The following GALNT14 variants were observed in gnomAD, a reference collection of about 807,000 sequenced individuals.
The protein encoded by GALNT14 is UDP-GalNAc:polypeptide N-acetylgalactosaminyltransferase 14.
GALNT14 carries 60 observed loss-of-function variants against 77.5 expected under a neutral mutation model. That is an observed-to-expected ratio of 0.77 (90% CI 0.63 to 0.96). GALNT14 has a LOEUF of 0.96. Among genes scored for constraint, GALNT14 ranks in the 40% least tolerant of loss-of-function variants. GALNT14 has a pLI of 0.00. For missense variants in GALNT14, 710 were observed against 731.0 expected (o/e 0.97, Z 0.33); for synonymous variants, 280 against 281.7 (o/e 0.99, Z 0.06).
chr2:31,134,544 G>A (rs1374835877), intron 1 of GALNT14, among the ~76,000 whole-genome samples: 1 of 152,198 alleles, frequency 6.6e-6, no homozygotes, highest in Non-Finnish European at 1.5e-5. Flanking sequence ...CTAAACCAAC[G>A]CCTCTGCAAC....
chr2:31,115,911 C>T (rs1181498664), intron 1 of GALNT14, among the ~76,000 whole-genome samples: 2 of 152,144 alleles, frequency 1.3e-5, no homozygotes, highest in Non-Finnish European at 2.9e-5. Context: ...GTCCTAGCTA[C>T]TTGAGAAACT....
chr2:30,933,668 G>C (rs1665882559), intron 9 of GALNT14, among the ~76,000 whole-genome samples: 3 of 152,236 alleles, frequency 2.0e-5, no homozygotes, highest in South Asian at 4.1e-4. Flanking sequence ...GAGGAAGAGA[G>C]CACTTCTCAT....
chr2:30,919,387 C>T (rs1224691701), intron 13 of GALNT14, among the ~76,000 whole-genome samples: 1 of 152,150 alleles, frequency 6.6e-6, no homozygotes, highest in African/African-American at 2.4e-5. Flanking sequence ...GGTGGAGCAG[C>T]ATCGGGAGCC....
intron 9 of GALNT14, among the ~76,000 whole-genome samples, chr2:30,940,836 G>A (rs1478667693): frequency 6.6e-6 from 1 of 152,178 alleles, no homozygotes; most frequent in African/African-American, 2.4e-5. Context: ...GGGTCCCAGG[G>A]AAGGGATTCG....
At chr2:31,125,210 G>A (rs41280621) in intron 1 of GALNT14, 18,005 of 1,550,326 alleles carry the variant, frequency 0.012, 134 homozygotes, top group Non-Finnish European at 0.014. Context: ...CACCTGAGGC[G>A]CCCAAGGGCT....
chr2:31,106,023 C>T (rs998485291), intron 1 of GALNT14, among the ~76,000 whole-genome samples: 6 of 152,106 alleles, frequency 3.9e-5, no homozygotes, highest in African/African-American at 1.4e-4. Flanking sequence ...ACCATTCTAG[C>T]CATGTCCCCT....
intron 1 of GALNT14, among the ~76,000 whole-genome samples, chr2:31,016,433 T>C (rs1280054635): frequency 1.3e-5 from 2 of 152,094 alleles, no homozygotes; most frequent in Non-Finnish European, 1.5e-5. Flanking sequence ...ATTCAGGCGA[T>C]TACACCTTTC....
chr2:31,075,871 G>T (rs990605711), intron 1 of GALNT14, among the ~76,000 whole-genome samples: 3 of 152,210 alleles, frequency 2.0e-5, no homozygotes, highest in Non-Finnish European at 4.4e-5. Flanking sequence ...GTTAGGGAAA[G>T]AAATCTCTCT....
chr2:30,918,728 AG>A (rs1222197993), intron 13 of GALNT14, among the ~76,000 whole-genome samples: 7 of 52,892 alleles, frequency 1.3e-4, no homozygotes, highest in Admixed American at 2.6e-4. Context: ...TCGGGCAGGG[AG>A]GGGGGTATCA....
At position 31,121,809 on chromosome 2, in the gene GALNT14, A is replaced by T. The variant is rs1174107379; in HGVS notation, c.129+16149T>A. On this transcript the variant is annotated intron_variant, in intron 1 of 14. Coordinates refer to ENST00000349752, the MANE Select transcript of GALNT14 (RefSeq NM_024572.4). ...GGCGTAGAGGTGCTAGGATAATGGGATATTTGTTTGCATTTGTTCTCACTT... is the reference window on the plus strand; with the variant it reads ...GGCGTAGAGGTGCTAGGATAATGGGTTATTTGTTTGCATTTGTTCTCACTT... Among the ~76,000 whole-genome samples, 6 of 151,914 alleles carry T rather than the reference A, an allele frequency of 3.9e-5. No individual in the cohort carries two copies. The East Asian group carries it at 1.2e-3, about 29-fold the overall frequency.
chr2:30,890,490 T>C, the GALNT14 span, among the ~76,000 whole-genome samples: 2 of 152,320 alleles, frequency 1.3e-5, no homozygotes, highest in Admixed American at 1.3e-4. Context: ...TGTAAATCAA[T>C]ATATATGCTG....
chr2:30,968,059 T>C (rs989919795), intron 2 of GALNT14, among the ~76,000 whole-genome samples: 15 of 152,204 alleles, frequency 9.9e-5, no homozygotes, highest in African/African-American at 2.9e-4. Context: ...ACCTGTCCTT[T>C]GTGTTGCCAT....
At chr2:31,035,726 G>C (rs902342735) in intron 1 of GALNT14, among the ~76,000 whole-genome samples, 2 of 151,678 alleles carry the variant, frequency 1.3e-5, no homozygotes, top group African/African-American at 4.8e-5. Flanking sequence ...GGTGGAGCCA[G>C]AGGCCATTAT....
At chr2:31,135,068 G>A (rs1038145984) in intron 1 of GALNT14, among the ~76,000 whole-genome samples, 1 of 152,158 alleles carries the variant, frequency 6.6e-6, no homozygotes. Flanking sequence ...CATGGGTTAG[G>A]TCCATAAGCA....
intron 2 of GALNT14, among the ~76,000 whole-genome samples, chr2:30,971,234 G>A (rs181152897): frequency 2.0e-5 from 3 of 152,286 alleles, no homozygotes; most frequent in East Asian, 3.9e-4. Flanking sequence ...TCTATTAGGG[G>A]CACGAGGGAA....
intron 1 of GALNT14, among the ~76,000 whole-genome samples, chr2:31,092,726 G>A (rs998721187): frequency 6.6e-6 from 1 of 152,172 alleles, no homozygotes; most frequent in Admixed American, 6.5e-5. Context: ...TGAGTTCCCT[G>A]TCATTACATG....
At chr2:31,078,857 G>A in intron 1 of GALNT14, 2 of 1,221,690 alleles carry the variant, frequency 1.6e-6, no homozygotes, top group South Asian at 1.3e-5. Flanking sequence ...CCAGGCACAG[G>A]AGAGCAGGGG....
chr2:30,983,080 G>C (rs559841668), intron 2 of GALNT14, among the ~76,000 whole-genome samples: 44 of 152,234 alleles, frequency 2.9e-4, no homozygotes, highest in Middle Eastern at 3.4e-3. Flanking sequence ...ATAATTCAGA[G>C]GCGAGAGAAC....
chr2:30,913,998 C>T (rs1664525261), intron 13 of GALNT14, among the ~76,000 whole-genome samples: 1 of 152,224 alleles, frequency 6.6e-6, no homozygotes, highest in South Asian at 2.1e-4. Context: ...ATTTGCCTTT[C>T]TCCAAGATAA....
Sources: allele counts gnomAD v4.1 joint callset (sites outside exome capture counted in the v4.1 genomes callset), GRCh38; gene constraint gnomAD v4.1.1; transcripts MANE v1.5; gene names NCBI Gene and HGNC (gene_info 2026-07-23, HGNC 2026-07-21).